Variants in PAK2 observed in about 807,000 individuals in gnomAD.
The protein encoded by PAK2 is p21 (RAC1) activated kinase 2.
PAK2 carries 21 observed loss-of-function variants against 65.9 expected under a neutral mutation model. That is an observed-to-expected ratio of 0.32 (90% CI 0.23 to 0.46). The LOEUF is 0.46. Among genes scored for constraint, PAK2 ranks in the 20% least tolerant of loss-of-function variants. The pLI, the probability that PAK2 is intolerant of heterozygous loss-of-function variation, is 1.00. For missense variants in PAK2, 324 were observed against 642.6 expected, an observed-to-expected ratio of 0.50 and a Z score of 5.36; for synonymous variants, 204 against 219.7, an observed-to-expected ratio of 0.93 and a Z score of 0.63.
At chr3:196,780,969 T>G (rs931027988) in intron 1 of PAK2, among the ~76,000 whole-genome samples, 2 of 152,102 alleles carry the variant, frequency 1.3e-5, no homozygotes, top group Admixed American at 1.3e-4. Flanking sequence ...TTTGTGTGTT[T>G]AGTAGAGACG....
chr3:196,778,546 C>T (rs1373272518), intron 1 of PAK2, among the ~76,000 whole-genome samples: 1 of 152,152 alleles, frequency 6.6e-6, no homozygotes, highest in Non-Finnish European at 1.5e-5. Flanking sequence ...TCCTGTATAC[C>T]TATCACCCGG....
intron 13 of PAK2, among the ~76,000 whole-genome samples, chr3:196,821,853 A>G (rs1005537488): frequency 1.2e-4 from 18 of 152,236 alleles, no homozygotes; most frequent in Non-Finnish European, 4.4e-5. Flanking sequence ...CAGAGCCAAG[A>G]GAATTAAAAT....
intron 12 of PAK2, among the ~76,000 whole-genome samples, chr3:196,819,653 G>C (rs921347182): frequency 6.6e-6 from 1 of 152,038 alleles, no homozygotes; most frequent in Non-Finnish European, 1.5e-5. Flanking sequence ...GAAATGGAAT[G>C]GGTTTAACAG....
intron 1 of PAK2, among the ~76,000 whole-genome samples, chr3:196,765,949 G>C (rs1027517985): frequency 3.3e-5 from 5 of 151,456 alleles, no homozygotes; most frequent in African/African-American, 1.2e-4. Flanking sequence ...GCCCAGGCTG[G>C]AGTGCAGTGG....
intron 12 of PAK2, 131 bp downstream of exon 12, chr3:196,818,287 T>C: frequency 1.9e-6 from 1 of 532,884 alleles, no homozygotes; most frequent in Non-Finnish European, 3.4e-6. Flanking sequence ...CTTTGAAAAC[T>C]GAGTGATCCT....
At chr3:196,801,668 A>G (rs1344751102) in intron 2 of PAK2, among the ~76,000 whole-genome samples, 3 of 151,858 alleles carry the variant, frequency 2.0e-5, no homozygotes, top group Non-Finnish European at 4.4e-5. Context: ...CCCTGTCTCT[A>G]CTAAAAATAC....
chr3:196,806,666 C>A lies in PAK2; in HGVS notation c.556C>A (p.Arg186=). 6.2e-7 allele frequency: 1 copy of A among 1,605,212 alleles called. No homozygotes were observed. Among genetic ancestry groups the A allele is most frequent in the Non-Finnish European group, 8.5e-7 (1 of 1,172,018 alleles). Reference sequence around the variant, plus strand: ...GACTGCTCCTCCCGTTATTGCCCCGCGACCGGATCATACGAAATCAGTGAG... The same window carrying A: ...GACTGCTCCTCCCGTTATTGCCCCGAGACCGGATCATACGAAATCAGTGAG... ...EETAPPVIAP[R]PDHTKSIYTR... Residue 186 remains arginine, a synonymous_variant, in exon 6 of 15, where the codon CGA becomes AGA. Transcript: ENST00000327134.
chr3:196,798,458 C>T (rs1202307654), intron 2 of PAK2, among the ~76,000 whole-genome samples: 1 of 151,972 alleles, frequency 6.6e-6, no homozygotes. Context: ...ATTCTCCTGC[C>T]TCAGCCTCCC....
intron 1 of PAK2, among the ~76,000 whole-genome samples, chr3:196,765,247 A>G (rs926626977): frequency 5.3e-5 from 8 of 149,562 alleles, no homozygotes; most frequent in African/African-American, 2.0e-4. Context: ...TCCCGAGTTC[A>G]AGCGATTCTC....
At chr3:196,782,595 T>G in intron 1 of PAK2, 31 bp from the exon 2 acceptor site, 4 of 1,087,502 alleles carry the variant, frequency 3.7e-6, no homozygotes, top group Non-Finnish European at 4.0e-6. Flanking sequence ...ATTTTTTACT[T>G]TGTTACTAAT....
At chr3:196,742,099 C>CTTTTTTT (rs60738699) in intron 1 of PAK2, among the ~76,000 whole-genome samples, 3 of 129,006 alleles carry the variant, frequency 2.3e-5, no homozygotes, top group Non-Finnish European at 3.2e-5. Context: ...ATTAATATTT[C>CTTTTTTT]TTTTTTTTTT....
chr3:196,766,104 C>T (rs1043816970), intron 1 of PAK2, among the ~76,000 whole-genome samples: 6 of 151,992 alleles, frequency 3.9e-5, no homozygotes, highest in African/African-American at 1.2e-4. Context: ...ACCATGCTGG[C>T]CAGGTTGGTC....
chr3:196,818,226 T>C, intron 12 of PAK2, 70 bp downstream of exon 12: 1 of 681,520 alleles, frequency 1.5e-6, no homozygotes, highest in East Asian at 2.6e-5. Context: ...TAAAAACTTT[T>C]CTTGACCAAT....
intron 1 of PAK2, among the ~76,000 whole-genome samples, chr3:196,771,707 T>C (rs1251656326): frequency 6.6e-6 from 1 of 152,050 alleles, no homozygotes; most frequent in Admixed American, 6.6e-5. Context: ...TACAGGTGCT[T>C]GCCACCACGC....
At position 196,811,888 on chromosome 3, in the gene PAK2, G is replaced by C. The variant is rs147388200; in HGVS notation, c.774-331G>C. 5.3e-5 allele frequency among the ~76,000 whole-genome samples: 8 copies of C among 152,188 alleles called. No individual in the cohort carries two copies. In the East Asian group the frequency reaches 1.2e-3, roughly 22 times the overall value. Reference sequence around the variant, plus strand: ...GGAGGAAGGAGACTGCTGTCGGAAAGGGCTTATGGGAATCTTCAAATTATT... The same window carrying C: ...GGAGGAAGGAGACTGCTGTCGGAAACGGCTTATGGGAATCTTCAAATTATT... On this transcript the variant is annotated intron_variant, in intron 8 of 14. Coordinates refer to ENST00000327134, the MANE Select transcript of PAK2 (RefSeq NM_002577.4).
intron 1 of PAK2, among the ~76,000 whole-genome samples, chr3:196,778,194 C>T (rs74342174): frequency 2.4e-3 from 363 of 152,112 alleles, no homozygotes; most frequent in African/African-American, 8.3e-3. Context: ...ACTTAGTGTT[C>T]GAGGGTCATC....
At position 196,831,024 on chromosome 3, in the gene PAK2, C is replaced by A. The variant is rs1434754589; in HGVS notation, c.*2619C>A. The A allele has an allele frequency of 2.0e-5, 3 of 152,062 alleles. No individual in the cohort carries two copies. The highest frequency in any genetic ancestry group is 4.4e-5 in the Non-Finnish European group (3 of 68,056). The allele number at this position is 152,062 out of a possible 1,614,324, so 9.4% of individuals were successfully genotyped here. A position where few individuals can be genotyped will look rare whatever the true frequency, so the allele number is the denominator to read the frequency against. ...GCCTCAGCCTCCTGAGTAGCTGAGA[C>A]CACAGGCACCCGCCACCACACCCAG... On this transcript the variant is annotated 3_prime_UTR_variant, in exon 15 of 15. Transcript: ENST00000327134.
chr3:196,761,984 G>T (rs1713990115), intron 1 of PAK2, among the ~76,000 whole-genome samples: 1 of 128,982 alleles, frequency 7.8e-6, no homozygotes, highest in Non-Finnish European at 1.7e-5. Context: ...CTCAGACGGG[G>T]TGGTTGCCAG....
rs1711998261 is a variant in PAK2, at chr3:196,829,602, A to G, written c.*1197A>G. The G allele has an allele frequency of 6.6e-6, 1 of 152,186 alleles. No individual in the cohort carries two copies. Among genetic ancestry groups the G allele is most frequent in the African/African-American group, 2.4e-5 (1 of 41,440 alleles). The allele number at this position is 152,186 out of a possible 1,614,324, so 9.4% of individuals were successfully genotyped here. ...TGTTAGTGTTACAGAGAAGCAGCCG[A>G]TAGCAAATCGACTGTAGAGACTTGG... is the stretch of plus-strand genomic sequence containing the variant. On this transcript the variant is annotated 3_prime_UTR_variant, in exon 15 of 15. Transcript: ENST00000327134.
Sources: allele counts gnomAD v4.1 joint callset (sites outside exome capture counted in the v4.1 genomes callset), GRCh38; gene constraint gnomAD v4.1.1; transcripts MANE v1.5; gene names NCBI Gene and HGNC (gene_info 2026-07-23, HGNC 2026-07-21).